Variants in GLCE observed in about 807,000 individuals in gnomAD.
GLCE encodes the protein D-glucuronyl C5-epimerase.
In GLCE, 19 loss-of-function variants were observed where a neutral mutation model predicts 47.9. The ratio of observed to expected loss-of-function variants is 0.40; its 90% CI spans 0.28 to 0.58. GLCE has a LOEUF of 0.58. Ranked by LOEUF, GLCE falls within the 20% of genes least tolerant of loss-of-function variation. The probability of loss-of-function intolerance (pLI) is 0.48; values close to 1 mark genes in which losing one functional copy is unlikely to be tolerated. For missense variants in GLCE, 556 were observed against 743.3 expected (o/e 0.75, Z 2.93); for synonymous variants, 245 against 263.4 (o/e 0.93, Z 0.68).
intron 1 of GLCE, among the ~76,000 whole-genome samples, chr15:69,183,395 G>T (rs2051778019): frequency 6.6e-6 from 1 of 152,302 alleles, no homozygotes; most frequent in South Asian, 2.1e-4. Context: ...GATTGAGAAA[G>T]AATAGAAGCT....
intron 2 of GLCE, among the ~76,000 whole-genome samples, chr15:69,212,564 T>C (rs2052247707): frequency 6.6e-6 from 1 of 152,058 alleles, no homozygotes; most frequent in Admixed American, 6.6e-5. Context: ...ATATACTGCT[T>C]ATCTTTTAAA....
At chr15:69,238,283 G>A (rs2052619355) in intron 2 of GLCE, among the ~76,000 whole-genome samples, 1 of 152,050 alleles carries the variant, frequency 6.6e-6, no homozygotes, top group African/African-American at 2.4e-5. Flanking sequence ...TGGTGACTTG[G>A]AGCCATAATA....
intron 1 of GLCE, among the ~76,000 whole-genome samples, chr15:69,201,657 T>G (rs1349993552): frequency 6.7e-6 from 1 of 149,290 alleles, no homozygotes; most frequent in Non-Finnish European, 1.5e-5. Context: ...TAACAAAGGC[T>G]TACTTTGTTT....
intron 4 of GLCE, among the ~76,000 whole-genome samples, chr15:69,265,235 G>A (rs2053068688): frequency 1.3e-5 from 2 of 151,958 alleles, no homozygotes; most frequent in African/African-American, 4.8e-5. Context: ...AGGAGAGGAT[G>A]GGTCATGGCT....
At chr15:69,189,588 G>A (rs1200598640) in intron 1 of GLCE, among the ~76,000 whole-genome samples, 1 of 152,170 alleles carries the variant, frequency 6.6e-6, no homozygotes, top group African/African-American at 2.4e-5. Context: ...ATTTAGTTTT[G>A]TAAGAAACTG....
chr15:69,261,386 A>T (rs1314087317), intron 4 of GLCE, 57 bp downstream of exon 4: 3 of 1,525,434 alleles, frequency 2.0e-6, no homozygotes, highest in Middle Eastern at 3.5e-4. Context: ...GGACCCTGAT[A>T]GTCCCTTAAA....
chr15:69,234,223 C>A (rs2052564119), intron 2 of GLCE, among the ~76,000 whole-genome samples: 1 of 152,132 alleles, frequency 6.6e-6, no homozygotes, highest in Non-Finnish European at 1.5e-5. Context: ...GGTAATCCGC[C>A]CGCCTCAGCC....
At chr15:69,207,602 C>T (rs1000407956) in intron 1 of GLCE, among the ~76,000 whole-genome samples, 1 of 152,040 alleles carries the variant, frequency 6.6e-6, no homozygotes, top group Non-Finnish European at 1.5e-5. Context: ...TTCATTTCTG[C>T]ATAGTATTTT....
At chr15:69,252,956 T>A (rs996354539) in intron 2 of GLCE, among the ~76,000 whole-genome samples, 6 of 152,212 alleles carry the variant, frequency 3.9e-5, no homozygotes, top group Non-Finnish European at 8.8e-5. Flanking sequence ...GGGTTTCCAC[T>A]TCTTAAAATC....
intron 1 of GLCE, among the ~76,000 whole-genome samples, chr15:69,170,554 A>G (rs796398977): frequency 2.2e-4 from 34 of 152,244 alleles, no homozygotes; most frequent in African/African-American, 6.5e-4. Flanking sequence ...GTGTATGTAT[A>G]TATATTTGTG....
chr15:69,265,023 G>A (rs1040956428), intron 4 of GLCE, among the ~76,000 whole-genome samples: 1 of 152,030 alleles, frequency 6.6e-6, no homozygotes, highest in Non-Finnish European at 1.5e-5. Flanking sequence ...CTGTGCAAAA[G>A]CTTTTTAGTT....
chr15:69,266,009 C>G (rs1198718083), intron 4 of GLCE, among the ~76,000 whole-genome samples: 1 of 152,116 alleles, frequency 6.6e-6, no homozygotes, highest in Non-Finnish European at 1.5e-5. Context: ...ACTATAGATG[C>G]AGAAAAATGC....
At chr15:69,175,500 A>T (rs2140333904) in intron 1 of GLCE, among the ~76,000 whole-genome samples, 1 of 152,344 alleles carries the variant, frequency 6.6e-6, no homozygotes, top group African/African-American at 2.4e-5. Context: ...CAAAAAGTTT[A>T]ATGAATAAAA....
intron 2 of GLCE, among the ~76,000 whole-genome samples, chr15:69,234,639 T>A (rs2052570239): frequency 6.6e-6 from 1 of 152,172 alleles, no homozygotes; most frequent in Non-Finnish European, 1.5e-5. Flanking sequence ...GTGCTGCAAG[T>A]TACATTCACC....
At position 69,237,935 on chromosome 15, in the gene GLCE, C is replaced by T. The variant is rs970565668; in HGVS notation, c.-13-17859C>T. 4.6e-5 allele frequency among the ~76,000 whole-genome samples: 7 copies of T among 152,168 alleles called. 1 individual carries two copies. The highest frequency in any genetic ancestry group is 1.0e-4 in the Non-Finnish European group (7 of 68,042). On this transcript the variant is annotated intron_variant, in intron 2 of 4. Coordinates refer to ENST00000261858, the MANE Select transcript of GLCE (RefSeq NM_015554.3). Reference sequence around the variant, plus strand: ...ACTCCTTTCTGAGCTGATTTATTTACATAGCATATGCTTAGTTTGACACAT... The same window carrying T: ...ACTCCTTTCTGAGCTGATTTATTTATATAGCATATGCTTAGTTTGACACAT...
Position 69,270,639 on chromosome 15 carries a change from A to G in GLCE, c.*1395A>G, listed in dbSNP as rs60602027. 7 of 152,340 alleles carry G rather than the reference A, an allele frequency of 4.6e-5. No individual in the cohort carries two copies. In the East Asian group the frequency reaches 1.3e-3, roughly 29 times the overall value. The allele number at this position is 152,340 out of a possible 1,614,324, so 9.4% of individuals were successfully genotyped here. On this transcript the variant is annotated 3_prime_UTR_variant, in exon 5 of 5. Transcript: ENST00000261858. ...TATCTGTGACCTATATCAAGTACAC[A>G]TTTAGGAGCCAGGTAGGTTACCTGC...
At chr15:69,184,331 A>C (rs1390280262) in intron 1 of GLCE, among the ~76,000 whole-genome samples, 2 of 152,154 alleles carry the variant, frequency 1.3e-5, no homozygotes, top group Non-Finnish European at 2.9e-5. Context: ...CCTACCTCCC[A>C]CCAAGTCTCT....
At chr15:69,255,180 A>G (rs988892171) in intron 2 of GLCE, among the ~76,000 whole-genome samples, 7 of 152,204 alleles carry the variant, frequency 4.6e-5, no homozygotes, top group Non-Finnish European at 8.8e-5. Context: ...GTGTTTTTTC[A>G]GACAGCTACT....
chr15:69,212,894 C>T (rs778568463), intron 2 of GLCE, among the ~76,000 whole-genome samples: 2 of 151,954 alleles, frequency 1.3e-5, no homozygotes, highest in Non-Finnish European at 2.9e-5. Flanking sequence ...TTTAGTTGAC[C>T]ACTATGGGGT....
Sources: allele counts gnomAD v4.1 joint callset (sites outside exome capture counted in the v4.1 genomes callset), GRCh38; gene constraint gnomAD v4.1.1; transcripts MANE v1.5; gene names NCBI Gene and HGNC (gene_info 2026-07-23, HGNC 2026-07-21).